The following FAM227A variants were observed in gnomAD, a reference collection of about 807,000 sequenced individuals.
The protein encoded by FAM227A is protein FAM227A.
A neutral mutation model predicts 74.7 loss-of-function variants in FAM227A; 80 were observed. That is an observed-to-expected ratio of 1.07 (90% CI 0.89 to 1.29). The LOEUF (loss-of-function observed/expected upper bound fraction) is 1.29, where lower values mean the gene tolerates loss of function less well. FAM227A is among the 50% of genes most tolerant of loss of function. The pLI, the probability that FAM227A is intolerant of heterozygous loss-of-function variation, is 0.00. For synonymous variants in FAM227A, 237 were observed against 241.8 expected (o/e 0.98, Z 0.19); for missense variants, 654 against 683.4 (o/e 0.96, Z 0.48).
At chr22:38,612,669 G>T (rs1347428489) in intron 11 of FAM227A, among the ~76,000 whole-genome samples, 1 of 152,122 alleles carries the variant, frequency 6.6e-6, no homozygotes, top group Non-Finnish European at 1.5e-5. Context: ...TTTCAAGATG[G>T]AAATGAGCAA....
chr22:38,644,904 A>G, intron 3 of FAM227A, among the ~76,000 whole-genome samples: 1 of 151,800 alleles, frequency 6.6e-6, no homozygotes, highest in East Asian at 1.9e-4. Flanking sequence ...CCTGACCAAC[A>G]TGGTGGAACC....
At chr22:38,602,912 C>T (rs1569197296) in intron 13 of FAM227A, among the ~76,000 whole-genome samples, 12 of 152,170 alleles carry the variant, frequency 7.9e-5, no homozygotes, top group Admixed American at 3.3e-4. Context: ...CTCACTCTGT[C>T]GCCCAGGCTG....
rs140498056 is a variant in FAM227A, at chr22:38,599,385, A to G, written c.1379+379T>C. 5.1e-4 allele frequency among the ~76,000 whole-genome samples: 77 copies of G among 152,278 alleles called. 1 individual carries two copies. In the East Asian group the frequency reaches 0.014, roughly 28 times the overall value. Reference sequence around the variant, plus strand: ...GTCTGAGGAGGGTGTTAGATGAAACATACATGTGGACAACAAAATTCCTGG... The same window carrying G: ...GTCTGAGGAGGGTGTTAGATGAAACGTACATGTGGACAACAAAATTCCTGG... On this transcript the variant is annotated intron_variant, in intron 14 of 16. Transcript: ENST00000535113.
At chr22:38,618,497 C>A (rs760946238) in intron 11 of FAM227A, 3 of 152,190 alleles carry the variant, frequency 2.0e-5, no homozygotes, top group Admixed American at 6.5e-5. Flanking sequence ...TGTGAACTAT[C>A]AGACCTAGCC....
chr22:38,612,793 T>C (rs185721186), intron 11 of FAM227A, among the ~76,000 whole-genome samples: 37 of 152,010 alleles, frequency 2.4e-4, no homozygotes, highest in African/African-American at 8.7e-4. Flanking sequence ...TCAGTCACAC[T>C]GGCACACAGT....
chr22:38,639,462 T>A (rs73415434), intron 4 of FAM227A, among the ~76,000 whole-genome samples, 193 bp downstream of exon 4: 3 of 148,270 alleles, frequency 2.0e-5, no homozygotes, highest in Admixed American at 1.3e-4. Flanking sequence ...TGGTGCCACA[T>A]GTAGGTGGTC....
intron 13 of FAM227A, among the ~76,000 whole-genome samples, chr22:38,603,837 C>G (rs897303206): frequency 1.6e-4 from 24 of 152,052 alleles, no homozygotes; most frequent in African/African-American, 5.5e-4. Flanking sequence ...CCTGGTGATA[C>G]TGGGGGGTTA....
At chr22:38,601,183 A>G (rs2146216765) in intron 13 of FAM227A, among the ~76,000 whole-genome samples, 1 of 152,258 alleles carries the variant, frequency 6.6e-6, no homozygotes, top group South Asian at 2.1e-4. Context: ...TAAAGGAATA[A>G]CATGATATGA....
chr22:38,650,392 G>A (rs372665201), intron 1 of FAM227A, 130 bp from the exon 2 acceptor site: 166 of 528,604 alleles, frequency 3.1e-4, no homozygotes, highest in South Asian at 5.2e-4. Context: ...AAAGGGTTCC[G>A]TCTGAGAAGC....
chr22:38,654,814 GGCGGGCGCCTGTAATCCCA>G (rs1569249137), intron 1 of FAM227A, among the ~76,000 whole-genome samples: 2 of 151,336 alleles, frequency 1.3e-5, no homozygotes, highest in Non-Finnish European at 2.9e-5. Context: ...TGGGCTTGGT[GGCGGGCGCCTGTAATCCCA>G]GCTATTCGAG....
chr22:38,623,759 GTCT>G lies in FAM227A; in HGVS notation c.851-483_851-481del, dbSNP rs374426324. Among the ~76,000 whole-genome samples, 15 of 152,328 alleles carry G rather than the reference GTCT, an allele frequency of 9.8e-5. 1 individual carries two copies. Among genetic ancestry groups the G allele is most frequent in the East Asian group, 9.6e-4 (5 of 5,190 alleles). On this transcript the variant is annotated intron_variant, in intron 9 of 16. Coordinates refer to ENST00000535113, the MANE Select transcript of FAM227A (RefSeq NM_001013647.2). ...TGAGTTCCCTGAGAACAGGGAGTGG[GTCT>G]TCTTCTTTATACCTCCAGAGCTCTA...
intron 11 of FAM227A, among the ~76,000 whole-genome samples, chr22:38,616,577 A>T (rs2091580945): frequency 6.6e-6 from 1 of 152,038 alleles, no homozygotes; most frequent in African/African-American, 2.4e-5. Context: ...GAGGCAGAAG[A>T]ATCGCTTGAA....
chr22:38,597,311 G>C lies in FAM227A; in HGVS notation c.1425C>G (p.Cys475Trp). The C allele has an allele frequency of 6.4e-7, 1 of 1,551,946 alleles. No homozygotes were observed. The highest frequency in any genetic ancestry group is 1.7e-4 in the Middle Eastern group (1 of 5,996). Residue 475 changes from cysteine (C) to tryptophan (W), a missense_variant, in exon 15 of 17, where the codon TGC becomes TGG. By Grantham distance (215) the Cys-to-Trp change is radical. Coordinates refer to ENST00000535113, the MANE Select transcript of FAM227A (RefSeq NM_001013647.2). ...GGTTGTCTTTCCGCTTCTTCATGCTGCACAGGGTCTCGCTGATGACATCAG... is the reference window on the plus strand; with the variant it reads ...GGTTGTCTTTCCGCTTCTTCATGCTCCACAGGGTCTCGCTGATGACATCAG... The part of the protein sequence containing the change: ...TYTDVISETL[C>W]SMKKRKDNLN...
chr22:38,591,514 G>A lies in FAM227A; in HGVS notation c.1559C>T (p.Ala520Val), dbSNP rs79198494. 31 of 1,546,842 alleles carry A rather than the reference G, an allele frequency of 2.0e-5. No individual in the cohort carries two copies. The East Asian group carries it at 5.4e-4, about 27-fold the overall frequency. ...GTGGTTTGCCTTTTTTGTATCTGCT[G>A]CTTTTGGATCAATATTCTTCATTTC... ...SREMKNIDPK[A>V]ADTKKANHMF... The change falls in exon 16 of 17, where the codon GCA (alanine) becomes GTA (valine). Residue 520 changes from alanine (A) to valine (V), a missense_variant. By Grantham distance (64) the Ala-to-Val change is moderately conservative. Coordinates refer to ENST00000535113, the MANE Select transcript of FAM227A (RefSeq NM_001013647.2).
chr22:38,591,359 A>C lies in FAM227A; in HGVS notation c.1638+76T>G, dbSNP rs1051569093. ...ATAAAATAAAATAATTATTATTCTT[A>C]CATGTTCACACTTCTACCTTTCCCA... is the stretch of plus-strand genomic sequence containing the variant. On this transcript the variant is annotated intron_variant, in intron 16 of 16. Transcript: ENST00000535113. The C allele has an allele frequency of 4.0e-6, 6 of 1,499,468 alleles. No homozygotes were observed. The South Asian group carries it at 4.1e-5, about 10-fold the overall frequency. 92.9% of individuals were successfully genotyped at this position (1,499,468 alleles called of 1,614,324 possible). A position where few individuals can be genotyped will look rare whatever the true frequency, so the allele number is the denominator to read the frequency against.
chr22:38,651,011 T>C (rs1263427062), intron 1 of FAM227A, among the ~76,000 whole-genome samples: 1 of 152,168 alleles, frequency 6.6e-6, no homozygotes, highest in Non-Finnish European at 1.5e-5. Context: ...CCTTTCACCA[T>C]ACTCTCCTTC....
chr22:38,607,578 C>T, intron 11 of FAM227A, 102 bp from the exon 12 acceptor site: 1 of 810,976 alleles, frequency 1.2e-6, no homozygotes, highest in Non-Finnish European at 2.0e-6. Flanking sequence ...CATGCAATTT[C>T]TTTGCTATTT....
intron 3 of FAM227A, among the ~76,000 whole-genome samples, chr22:38,642,193 C>G (rs983678596): frequency 6.6e-6 from 1 of 152,178 alleles, no homozygotes; most frequent in Non-Finnish European, 1.5e-5. Flanking sequence ...ACAGGGCAAA[C>G]TACTGCCTGA....
chr22:38,626,054 G>T, intron 9 of FAM227A, 126 bp downstream of exon 9: 4 of 962,248 alleles, frequency 4.2e-6, no homozygotes, highest in Non-Finnish European at 3.0e-6. Flanking sequence ...TCTCTTTAAT[G>T]TTAAGGAGAG....
Sources: gnomAD v4.1 joint callset for allele counts (sites outside exome capture counted in the v4.1 genomes callset) on GRCh38, gnomAD v4.1.1 for gene constraint, MANE v1.5 for transcripts, NCBI Gene and HGNC (gene_info 2026-07-23, HGNC 2026-07-21) for gene names.